The following SHANK2 variants were observed in gnomAD, a reference collection of about 807,000 sequenced individuals.
The protein encoded by SHANK2 is SH3 and multiple ankyrin repeat domains 2, also known as SH3 and multiple ankyrin repeat domains protein 2.
Under a neutral mutation model 133.7 loss-of-function variants are expected in SHANK2, and 43 were observed. The observed-to-expected ratio is 0.32, with a 90% CI of 0.25 to 0.41. The LOEUF (loss-of-function observed/expected upper bound fraction) is 0.41. Among genes scored for constraint, SHANK2 ranks in the 10% least tolerant of loss-of-function variants. SHANK2 has a pLI of 1.00. For missense variants in SHANK2, 1,994 were observed against 2,235.8 expected, an observed-to-expected ratio of 0.89 and a Z score of 2.18; for synonymous variants, 1,017 against 952.8, an observed-to-expected ratio of 1.07 and a Z score of -1.24.
At chr11:70,801,558 G>A (rs1293042493) in intron 13 of SHANK2, among the ~76,000 whole-genome samples, 2 of 152,196 alleles carry the variant, frequency 1.3e-5, no homozygotes, top group Admixed American at 1.3e-4. Flanking sequence ...GGCTGGGCTT[G>A]GCTACCCCAT....
rs181574000 is a variant in SHANK2 at position 70,801,778 on chromosome 11, G to C, written c.1664-3222C>G. Reference sequence around the variant, plus strand: ...CCACCTACTCCATGTGGAACACTAGGGTGAATTCTGAGAGTGAATTCTGAC... The same window carrying C: ...CCACCTACTCCATGTGGAACACTAGCGTGAATTCTGAGAGTGAATTCTGAC... On this transcript the variant is annotated intron_variant, in intron 13 of 25. Transcript: ENST00000601538. Among the ~76,000 whole-genome samples the C allele has an allele frequency of 2.8e-3, 425 of 152,250 alleles. 3 individuals carry two copies. The highest frequency in any genetic ancestry group is 1.0e-2 in the African/African-American group (415 of 41,552).
At chr11:71,064,244 CCACACAACGTCAGGA>C (rs1590877613) in intron 9 of SHANK2, among the ~76,000 whole-genome samples, 1 of 152,336 alleles carries the variant, frequency 6.6e-6, no homozygotes, top group East Asian at 1.9e-4. Context: ...CAGAAAACAA[CCACACAACGTCAGGA>C]CGGGTGGGTC....
At chr11:70,918,017 GTT>G (rs59714843) in intron 10 of SHANK2, among the ~76,000 whole-genome samples, 144,903 of 150,272 alleles carry the variant, frequency 0.96, 70,025 homozygotes, top group East Asian at 1. Context: ...GAACTTAAAA[GTT>G]TTTTTTTTTT....
intron 10 of SHANK2, among the ~76,000 whole-genome samples, chr11:70,931,548 T>C (rs781991223): frequency 4.6e-5 from 7 of 152,182 alleles, no homozygotes; most frequent in African/African-American, 9.6e-5. Flanking sequence ...GAAGAGGCTA[T>C]AGAATCACCC....
intron 1 of SHANK2, among the ~76,000 whole-genome samples, chr11:71,229,901 A>G (rs1397194436): frequency 6.6e-6 from 1 of 152,164 alleles, no homozygotes; most frequent in Non-Finnish European, 1.5e-5. Context: ...TGAGAGACAT[A>G]CCCTGTTCAT....
At chr11:70,681,970 A>T (rs1945038385) in intron 15 of SHANK2, among the ~76,000 whole-genome samples, 1 of 152,150 alleles carries the variant, frequency 6.6e-6, no homozygotes, top group Admixed American at 6.5e-5. Flanking sequence ...AGGGAAACGC[A>T]TCTGGGTGTG....
intron 11 of SHANK2, among the ~76,000 whole-genome samples, chr11:70,856,684 T>C (rs1949177806): frequency 6.6e-6 from 1 of 152,226 alleles, no homozygotes; most frequent in Non-Finnish European, 1.5e-5. Context: ...TAAACCATGT[T>C]TGATACATTA....
intron 13 of SHANK2, among the ~76,000 whole-genome samples, chr11:70,798,836 G>A (rs1475506977): frequency 2.6e-5 from 4 of 152,298 alleles, no homozygotes; most frequent in Non-Finnish European, 5.9e-5. Context: ...CTGACACCAC[G>A]TCATATGAAT....
intron 17 of SHANK2, among the ~76,000 whole-genome samples, chr11:70,606,512 A>C (rs1554992470): frequency 6.3e-5 from 2 of 31,954 alleles, no homozygotes; most frequent in Non-Finnish European, 1.2e-4. Flanking sequence ...TTGACTCAAA[A>C]AAAAAAAAAA....
rs868952392 is a variant in SHANK2 at position 70,601,642 on chromosome 11, G to A, written c.2061+58186C>T. 3.9e-5 allele frequency among the ~76,000 whole-genome samples: 6 copies of A among 152,158 alleles called. No individual in the cohort carries two copies. In the South Asian group the frequency reaches 1.0e-3, roughly 26 times the overall value. On this transcript the variant is annotated intron_variant, in intron 17 of 25. Transcript: ENST00000601538. The stretch of plus-strand genomic sequence containing the variant: ...GCTGAGATTACAGGCGTGAGCCACC[G>A]CGCCCGGCCAGTAAAGAGAATATAT...
chr11:70,615,892 C>T (rs2060734520), intron 17 of SHANK2, among the ~76,000 whole-genome samples: 1 of 152,172 alleles, frequency 6.6e-6, no homozygotes, highest in Non-Finnish European at 1.5e-5. Flanking sequence ...CATCCTCGGT[C>T]TGTCTCTTTG....
At chr11:70,745,742 C>A (rs750204820) in intron 14 of SHANK2, among the ~76,000 whole-genome samples, 1 of 152,230 alleles carries the variant, frequency 6.6e-6, no homozygotes, top group Non-Finnish European at 1.5e-5. Flanking sequence ...CCACTCCCTG[C>A]CTCACCTGAG....
chr11:70,598,195 C>T (rs916450464), intron 17 of SHANK2, among the ~76,000 whole-genome samples: 2 of 152,010 alleles, frequency 1.3e-5, no homozygotes, highest in African/African-American at 2.4e-5. Flanking sequence ...GGCGATGGGG[C>T]GGGACGAATG....
At chr11:71,178,185 G>A (rs1387717268) in intron 2 of SHANK2, among the ~76,000 whole-genome samples, 1 of 152,198 alleles carries the variant, frequency 6.6e-6, no homozygotes, top group African/African-American at 2.4e-5. Flanking sequence ...CCTTTCACCT[G>A]TCCATCAACT....
At chr11:70,841,175 G>A (rs1316015177) in intron 11 of SHANK2, among the ~76,000 whole-genome samples, 1 of 152,192 alleles carries the variant, frequency 6.6e-6, no homozygotes, top group Non-Finnish European at 1.5e-5. Flanking sequence ...GGAGGCTAGG[G>A]CAGGAGAATC....
chr11:70,618,724 G>A (rs1051472179), intron 17 of SHANK2, among the ~76,000 whole-genome samples: 1 of 152,340 alleles, frequency 6.6e-6, no homozygotes, highest in East Asian at 1.9e-4. Context: ...AACCCTGGCC[G>A]CCGCTTACCC....
At chr11:70,572,242 G>A (rs782337829) in intron 17 of SHANK2, among the ~76,000 whole-genome samples, 86 of 152,290 alleles carry the variant, frequency 5.6e-4, no homozygotes, top group Admixed American at 1.2e-3. Flanking sequence ...TCACTGCAAC[G>A]TCCACCTCCC....
At chr11:70,845,722 G>A (rs913327305) in intron 11 of SHANK2, among the ~76,000 whole-genome samples, 7 of 152,136 alleles carry the variant, frequency 4.6e-5, no homozygotes, top group South Asian at 2.1e-4. Flanking sequence ...AGACGGCCCC[G>A]GGTGAATGAA....
At chr11:70,688,981 T>G (rs550707282) in intron 15 of SHANK2, among the ~76,000 whole-genome samples, 1 of 152,320 alleles carries the variant, frequency 6.6e-6, no homozygotes, top group South Asian at 2.1e-4. Context: ...GAACTTCTGG[T>G]GGGAGTGGGG....
Sources: gnomAD v4.1 joint callset for allele counts (sites outside exome capture counted in the v4.1 genomes callset) on GRCh38, gnomAD v4.1.1 for gene constraint, MANE v1.5 for transcripts, NCBI Gene and HGNC (gene_info 2026-07-23, HGNC 2026-07-21) for gene names.